STRA8: variants seen among roughly 807,000 people sequenced by gnomAD.
The protein encoded by STRA8 is stimulated by retinoic acid gene 8 protein homolog.
In STRA8, 18 loss-of-function variants were observed where a neutral mutation model predicts 37.1. That is an observed-to-expected ratio of 0.48 (90% CI 0.34 to 0.72). The LOEUF is 0.72. Ranked by LOEUF, STRA8 falls within the 30% of genes least tolerant of loss-of-function variation. The pLI is 0.01. For synonymous variants in STRA8, 168 were observed against 162.9 expected (o/e 1.03, Z -0.24); for missense variants, 357 against 410.4 (o/e 0.87, Z 1.13).
chr7:135,242,671 T>C, intron 2 of STRA8, 110 bp from the exon 3 acceptor site: 3 of 933,372 alleles, frequency 3.2e-6, no homozygotes, highest in Non-Finnish European at 5.2e-6. Flanking sequence ...GGGATGTGAC[T>C]TTGCATCTGA....
rs769010785 is a variant in STRA8 at position 135,245,259 on chromosome 7, A to G, written c.354-29A>G. ...ATGTTCATGAGGGATATTAATCTAT[A>G]GTTGTCTTGTTTCTGTTTTCTTTCC... On this transcript the variant is annotated intron_variant, in intron 4 of 8. Coordinates refer to ENST00000662584, the MANE Select transcript of STRA8 (RefSeq NM_001394401.1). 3 of 780,762 alleles carry G rather than the reference A, an allele frequency of 3.8e-6. No homozygotes were observed. The African/African-American group carries it at 5.1e-5, about 13-fold the overall frequency. 48.4% of individuals were successfully genotyped at this position (780,762 alleles called of 1,614,324 possible). A position where few individuals can be genotyped will look rare whatever the true frequency, so the allele number is the denominator to read the frequency against.
At chr7:135,239,023 AG>A (rs34356766) in intron 1 of STRA8, among the ~76,000 whole-genome samples, 1 of 152,254 alleles carries the variant, frequency 6.6e-6, no homozygotes, top group South Asian at 2.1e-4. Flanking sequence ...AAGCAAAACA[AG>A]GGAAAGTTGA....
intron 3 of STRA8, 112 bp from the exon 4 acceptor site, chr7:135,243,214 C>A (rs1214029956): frequency 3.8e-6 from 4 of 1,053,514 alleles, no homozygotes; most frequent in African/African-American, 1.6e-5. Flanking sequence ...CTAATGCTGA[C>A]CCTGGAGGGT....
intron 7 of STRA8, among the ~76,000 whole-genome samples, chr7:135,254,092 C>T (rs1004504549): frequency 3.3e-5 from 5 of 152,198 alleles, no homozygotes; most frequent in African/African-American, 4.8e-5. Flanking sequence ...ATCGACCTTA[C>T]AGAGTGACTC....
intron 7 of STRA8, among the ~76,000 whole-genome samples, chr7:135,253,943 TAGTAACCC>T (rs1286778903): frequency 6.6e-6 from 1 of 152,208 alleles, no homozygotes; most frequent in Non-Finnish European, 1.5e-5. Context: ...CAGCTGTCCC[TAGTAACCC>T]AGCTGGCCTT....
At chr7:135,250,045 C>T (rs1473835626) in intron 6 of STRA8, among the ~76,000 whole-genome samples, 3 of 152,234 alleles carry the variant, frequency 2.0e-5, no homozygotes, top group African/African-American at 7.2e-5. Context: ...CACAGTTACT[C>T]CTGCTGAGCA....
intron 4 of STRA8, among the ~76,000 whole-genome samples, chr7:135,243,785 T>C (rs1832505246): frequency 6.6e-6 from 1 of 152,280 alleles, no homozygotes; most frequent in South Asian, 2.1e-4. Flanking sequence ...CATTATATTA[T>C]AGCTTTTTCT....
At chr7:135,254,544 A>G (rs1048254320) in intron 7 of STRA8, among the ~76,000 whole-genome samples, 5 of 152,254 alleles carry the variant, frequency 3.3e-5, no homozygotes, top group Admixed American at 6.5e-5. Flanking sequence ...AGGCCCTGCA[A>G]TAACAGTTGC....
At chr7:135,231,941 C>A (rs201188683), upstream of STRA8, 815 of 1,596,468 alleles carry the variant, frequency 5.1e-4, no homozygotes, top group South Asian at 9.3e-4. Context: ...CACCAGGAGG[C>A]CCCCAGTGTT....
intron 4 of STRA8, 124 bp from the exon 5 acceptor site, chr7:135,245,164 T>C (rs1832526972): frequency 3.1e-6 from 2 of 650,898 alleles, no homozygotes; most frequent in African/African-American, 3.6e-5. Context: ...TTGGTCATGA[T>C]GTGTACACCT....
intron 7 of STRA8, among the ~76,000 whole-genome samples, chr7:135,254,372 T>C (rs531932833): frequency 6.6e-6 from 1 of 152,266 alleles, no homozygotes; most frequent in East Asian, 1.9e-4. Context: ...TGACTCACAG[T>C]GAGTGAGTGC....
At chr7:135,239,913 A>G (rs1219323674) in intron 1 of STRA8, among the ~76,000 whole-genome samples, 1 of 152,198 alleles carries the variant, frequency 6.6e-6, no homozygotes, top group Non-Finnish European at 1.5e-5. Flanking sequence ...GGTATATCAC[A>G]GAAAAATTCT....
intron 8 of STRA8, among the ~76,000 whole-genome samples, chr7:135,256,922 G>A (rs1832711191): frequency 1.3e-5 from 2 of 152,228 alleles, no homozygotes; most frequent in African/African-American, 4.8e-5. Flanking sequence ...AGCTGTCCAA[G>A]TGGCTCTGGG....
At chr7:135,255,007 A>G (rs1196806733) in intron 7 of STRA8, 107 bp from the exon 8 acceptor site, 2 of 844,306 alleles carry the variant, frequency 2.4e-6, no homozygotes, top group Non-Finnish European at 4.1e-6. Flanking sequence ...GAGAATTTAC[A>G]TGTGCTTGGT....
intron 8 of STRA8, 143 bp downstream of exon 8, chr7:135,255,368 C>T (rs1482286887): frequency 1.4e-5 from 9 of 623,982 alleles, no homozygotes; most frequent in Non-Finnish European, 2.3e-5. Flanking sequence ...TTCTCTCTGG[C>T]TTGCTCCATG....
chr7:135,236,189 C>T (rs1031583958), intron 1 of STRA8, among the ~76,000 whole-genome samples: 5 of 151,748 alleles, frequency 3.3e-5, no homozygotes, highest in Non-Finnish European at 7.4e-5. Context: ...AGGAGGCTGA[C>T]GCGGGAGGTT....
At chr7:135,251,914 A>T (rs750877357) in intron 7 of STRA8, 45 bp downstream of exon 7, 17 of 1,582,390 alleles carry the variant, frequency 1.1e-5, no homozygotes, top group East Asian at 2.2e-5. Context: ...GTGTGGGTGG[A>T]TGTGAGATTG....
At chr7:135,238,628 C>A (rs1207126316) in intron 1 of STRA8, among the ~76,000 whole-genome samples, 1 of 152,186 alleles carries the variant, frequency 6.6e-6, no homozygotes, top group Non-Finnish European at 1.5e-5. Context: ...ACCCGCTTCC[C>A]TTTTTCTGTA....
intron 2 of STRA8, 63 bp from the exon 3 acceptor site, chr7:135,242,718 G>C: frequency 6.5e-7 from 1 of 1,545,466 alleles, no homozygotes; most frequent in Non-Finnish European, 8.9e-7. Flanking sequence ...GGATTCCTGG[G>C]TCCACAAAAT....
Sources: gnomAD v4.1 joint callset for allele counts (sites outside exome capture counted in the v4.1 genomes callset) on GRCh38, gnomAD v4.1.1 for gene constraint, MANE v1.5 for transcripts, NCBI Gene and HGNC (gene_info 2026-07-23, HGNC 2026-07-21) for gene names.